Variants in CABP5 observed in about 807,000 individuals in gnomAD.
The protein encoded by CABP5 is calcium-binding protein 5.
Under a neutral mutation model 21.9 loss-of-function variants are expected in CABP5, and 17 were observed. That is an observed-to-expected ratio of 0.78 (90% CI 0.53 to 1.17). CABP5 has a LOEUF of 1.17. Among genes scored for constraint, CABP5 ranks in the 50% most tolerant of loss-of-function variants. The pLI, the probability that CABP5 is intolerant of heterozygous loss-of-function variation, is 0.00. For synonymous variants in CABP5, 85 were observed against 79.4 expected, an observed-to-expected ratio of 1.07 and a Z score of -0.37; for missense variants, 229 against 228.9, an observed-to-expected ratio of 1.00 and a Z score of 0.00.
chr19:48,043,952 C>T lies in CABP5; in HGVS notation c.-30G>A. On this transcript the variant is annotated 5_prime_UTR_variant, in exon 1 of 6. Coordinates refer to ENST00000293255, the MANE Select transcript of CABP5 (RefSeq NM_019855.5). Reference sequence around the variant, plus strand: ...GGGTGGGGTGGAGCTCGCAGGGCACCAGTCTCAAGATGGCCCCTCCTCCCT... The same window carrying T: ...GGGTGGGGTGGAGCTCGCAGGGCACTAGTCTCAAGATGGCCCCTCCTCCCT... 1 of 1,502,868 alleles carries T rather than the reference C, an allele frequency of 6.7e-7. No homozygotes were observed. The highest frequency in any genetic ancestry group is 1.3e-5 in the South Asian group (1 of 75,734). The allele number at this position is 1,502,868 out of a possible 1,614,324, so 93.1% of individuals were successfully genotyped here. A position where few individuals can be genotyped will look rare whatever the true frequency, so the allele number is the denominator to read the frequency against.
At position 48,035,493 on chromosome 19, in the gene CABP5, A is replaced by G. The variant is rs112895644; in HGVS notation, c.349-1131T>C. 3.1e-4 allele frequency among the ~76,000 whole-genome samples: 47 copies of G among 152,338 alleles called. 2 individuals are homozygous for G. The highest frequency in any genetic ancestry group is 9.4e-4 in the African/African-American group (39 of 41,588). On this transcript the variant is annotated intron_variant, in intron 4 of 5. Transcript: ENST00000293255. ...ATGCCTGTAGTCCCGGCTACTCGAG[A>G]GGCTGAGGCAGGAGAATCGCTTGAA... is the stretch of plus-strand genomic sequence containing the variant.
At chr19:48,037,006 G>A (rs1777003132) in intron 4 of CABP5, among the ~76,000 whole-genome samples, 1 of 152,132 alleles carries the variant, frequency 6.6e-6, no homozygotes, top group Non-Finnish European at 1.5e-5. Flanking sequence ...ATGGAAATTA[G>A]CACAGCTATT....
chr19:48,042,373 G>A (rs1030038999), intron 1 of CABP5, among the ~76,000 whole-genome samples: 2 of 152,216 alleles, frequency 1.3e-5, no homozygotes, highest in African/African-American at 4.8e-5. Flanking sequence ...CTCTGAGAAT[G>A]TCCAGTTATT....
At chr19:48,043,739 C>A in intron 1 of CABP5, 121 bp downstream of exon 1, 1 of 807,498 alleles carries the variant, frequency 1.2e-6, no homozygotes, top group South Asian at 3.5e-5. Context: ...TATACCTTCT[C>A]AGCTCCTGCT....
intron 2 of CABP5, 68 bp downstream of exon 2, chr19:48,041,505 C>G: frequency 7.0e-7 from 1 of 1,435,714 alleles, no homozygotes; most frequent in Non-Finnish European, 9.8e-7. Flanking sequence ...CGGAAATGCA[C>G]AAAGGGACTG....
intron 4 of CABP5, among the ~76,000 whole-genome samples, chr19:48,036,741 G>C (rs374390224): frequency 1.3e-5 from 2 of 152,064 alleles, no homozygotes; most frequent in African/African-American, 4.8e-5. Context: ...GGCAAAAGAC[G>C]TGAACAGCCA....
chr19:48,043,713 G>A, intron 1 of CABP5, 147 bp downstream of exon 1: 1 of 574,198 alleles, frequency 1.7e-6, no homozygotes, highest in Non-Finnish European at 2.7e-6. Context: ...ACCCCACCAG[G>A]GTCCTTGGAA....
chr19:48,039,703 CTTTTTTTTTTTTTT>C (rs772482700), intron 3 of CABP5, among the ~76,000 whole-genome samples: 3 of 59,228 alleles, frequency 5.1e-5, no homozygotes, highest in Non-Finnish European at 8.8e-5. Context: ...AACCCAATAG[CTTTTTTTTTTTTTT>C]TTTTTTTTTT....
chr19:48,039,140 G>A, intron 4 of CABP5, 68 bp downstream of exon 4: 1 of 1,270,038 alleles, frequency 7.9e-7, no homozygotes, highest in South Asian at 1.2e-5. Context: ...CATGGCATTG[G>A]CTAATTACAG....
At chr19:48,039,052 C>T (rs750456) in intron 4 of CABP5, among the ~76,000 whole-genome samples, 156 bp downstream of exon 4, 98,031 of 151,706 alleles carry the variant, frequency 0.65, 33,627 homozygotes, top group South Asian at 0.77. Context: ...GTTTGGAATA[C>T]GTTATTTTTC....
At position 48,030,358 on chromosome 19, in the gene CABP5, A is replaced by G; in HGVS notation, c.*199T>C. 1.9e-6 allele frequency: 1 copy of G among 532,432 alleles called. No homozygotes were observed. Among genetic ancestry groups the G allele is most frequent in the South Asian group, 3.0e-5 (1 of 33,858 alleles). 33.0% of individuals were successfully genotyped at this position (532,432 alleles called of 1,614,324 possible). A position where few individuals can be genotyped will look rare whatever the true frequency, so the allele number is the denominator to read the frequency against. On this transcript the variant is annotated 3_prime_UTR_variant, in exon 6 of 6. Transcript: ENST00000293255. ...TCCACAGACTCTTCCTTCTTAATCTAGTTCTGCAGACGCCCCCATCCTGGC... is the reference window on the plus strand; with the variant it reads ...TCCACAGACTCTTCCTTCTTAATCTGGTTCTGCAGACGCCCCCATCCTGGC...
At chr19:48,037,054 C>T (rs1353448668) in intron 4 of CABP5, among the ~76,000 whole-genome samples, 1 of 152,030 alleles carries the variant, frequency 6.6e-6, no homozygotes, top group Non-Finnish European at 1.5e-5. Context: ...AAAATTAAAC[C>T]TAGAGCTGCC....
chr19:48,043,847 C>G lies in CABP5; in HGVS notation c.63+13G>C, dbSNP rs776706625. The G allele has an allele frequency of 6.7e-7, 1 of 1,496,876 alleles. No individual in the cohort carries two copies. Among genetic ancestry groups the G allele is most frequent in the Non-Finnish European group, 8.9e-7 (1 of 1,127,530 alleles). 92.7% of individuals were successfully genotyped at this position (1,496,876 alleles called of 1,614,324 possible). ...CCCCGCCCACCGCCCTTCCCCCTCA[C>G]TCCCCACCTCACCCGCTGTTTCTCA... On this transcript the variant is annotated intron_variant, in intron 1 of 5. Transcript: ENST00000293255.
In CABP5 at chr19:48,040,609, C is replaced by T; in HGVS notation, c.234G>A (p.Met78Ile). The T allele has an allele frequency of 6.2e-7, 1 of 1,613,860 alleles. No individual in the cohort carries two copies. Among genetic ancestry groups the T allele is most frequent in the Non-Finnish European group, 8.5e-7 (1 of 1,179,834 alleles). The change falls in exon 3 of 6, where the codon ATG becomes ATA. Residue 78 changes from methionine (M) to isoleucine (I), a missense_variant. Transcript: ENST00000293255. ...CCTCCCATTCCCTGGACTCACGGTTCATGCGGATTTGCTGGCCGAGCTCAA... is the reference window on the plus strand; with the variant it reads ...CCTCCCATTCCCTGGACTCACGGTTTATGCGGATTTGCTGGCCGAGCTCAA... Reference protein sequence around the residue: ...ELIELGQQIRMNLGGRVDFDD... With the variant: ...ELIELGQQIRINLGGRVDFDD...
At chr19:48,040,100 G>A (rs746895589) in intron 3 of CABP5, among the ~76,000 whole-genome samples, 1 of 152,054 alleles carries the variant, frequency 6.6e-6, no homozygotes, top group Non-Finnish European at 1.5e-5. Context: ...CCTTTTTGCA[G>A]CTGTATTCAC....
At chr19:48,041,415 C>A in intron 2 of CABP5, 158 bp downstream of exon 2, 1 of 734,556 alleles carries the variant, frequency 1.4e-6, no homozygotes, top group East Asian at 2.8e-5. Flanking sequence ...CCTTCAACTG[C>A]CACGAGAAAG....
At position 48,034,145 on chromosome 19, in the gene CABP5, C is replaced by T. The variant is rs1023732081; in HGVS notation, c.496+70G>A. 10 of 1,424,558 alleles carry T rather than the reference C, an allele frequency of 7.0e-6. No individual in the cohort carries two copies. The East Asian group carries it at 2.7e-4, about 38-fold the overall frequency. The allele number at this position is 1,424,558 out of a possible 1,614,324, so 88.2% of individuals were successfully genotyped here. A position where few individuals can be genotyped will look rare whatever the true frequency, so the allele number is the denominator to read the frequency against. ...AGAAGGAGTGGCCAACTTGGAAAAT[C>T]TGACAGTGAGTTGGAAGTGGATTCC... On this transcript the variant is annotated intron_variant, in intron 5 of 5. Transcript: ENST00000293255.
intron 2 of CABP5, 90 bp from the exon 3 acceptor site, chr19:48,040,838 G>C: frequency 7.6e-7 from 1 of 1,313,262 alleles, no homozygotes; most frequent in Non-Finnish European, 1.1e-6. Context: ...GCTCCAACTA[G>C]AGACTCCTTA....
intron 4 of CABP5, among the ~76,000 whole-genome samples, chr19:48,037,469 T>C (rs1002493029): frequency 6.6e-6 from 1 of 151,886 alleles, no homozygotes; most frequent in African/African-American, 2.4e-5. Flanking sequence ...GGTTTCTCCA[T>C]GTTGGTCAGG....
Sources: allele counts gnomAD v4.1 joint callset (sites outside exome capture counted in the v4.1 genomes callset), GRCh38; gene constraint gnomAD v4.1.1; transcripts MANE v1.5; gene names NCBI Gene and HGNC (gene_info 2026-07-23, HGNC 2026-07-21).